LUZP2: variants seen among roughly 807,000 people sequenced by gnomAD.
LUZP2 encodes leucine zipper protein 2.
Under a neutral mutation model 51.6 loss-of-function variants are expected in LUZP2, and 52 were observed. The observed-to-expected ratio is 1.01, with a 90% CI of 0.81 to 1.27. The LOEUF (loss-of-function observed/expected upper bound fraction) is 1.27. Among genes scored for constraint, LUZP2 ranks in the 50% most tolerant of loss-of-function variants. The probability of loss-of-function intolerance (pLI) is 0.00; values close to 1 mark genes in which losing one functional copy is unlikely to be tolerated. For missense variants in LUZP2, 436 were observed against 395.4 expected (o/e 1.10, Z -0.87); for synonymous variants, 154 against 137.3 (o/e 1.12, Z -0.85).
chr11:24,659,156 GA>G (rs1158175952), intron 1 of LUZP2, among the ~76,000 whole-genome samples: 1 of 152,146 alleles, frequency 6.6e-6, no homozygotes, highest in Non-Finnish European at 1.5e-5. Context: ...CAATAGCAAA[GA>G]CTTGGAACCA....
At chr11:24,499,861 C>A (rs1196315697) in intron 1 of LUZP2, among the ~76,000 whole-genome samples, 1 of 152,054 alleles carries the variant, frequency 6.6e-6, no homozygotes, top group Admixed American at 6.6e-5. Flanking sequence ...AAGTTCAGTT[C>A]TATTTTAAAG....
chr11:24,888,630 A>G (rs1390162367), intron 5 of LUZP2, among the ~76,000 whole-genome samples: 1 of 152,120 alleles, frequency 6.6e-6, no homozygotes, highest in Non-Finnish European at 1.5e-5. Context: ...AAAAAGTTGT[A>G]GGAATATTTG....
At chr11:24,837,057 T>A (rs182279227) in intron 5 of LUZP2, among the ~76,000 whole-genome samples, 2 of 24,122 alleles carry the variant, frequency 8.3e-5, no homozygotes, top group Non-Finnish European at 4.6e-4. Context: ...TGTTCAAGAA[T>A]GGTTGGTAGA....
intron 1 of LUZP2, among the ~76,000 whole-genome samples, chr11:24,668,262 C>T (rs1210519800): frequency 1.3e-5 from 2 of 152,190 alleles, no homozygotes; most frequent in Non-Finnish European, 2.9e-5. Flanking sequence ...TAATCTCCAA[C>T]ACTGAAGCAT....
chr11:24,716,853 G>A (rs1175503354), intron 1 of LUZP2, among the ~76,000 whole-genome samples: 7 of 152,178 alleles, frequency 4.6e-5, no homozygotes, highest in East Asian at 1.9e-4. Context: ...CCGACATTGC[G>A]CCACTGCACT....
At chr11:24,542,170 A>G (rs1590159215) in intron 1 of LUZP2, among the ~76,000 whole-genome samples, 1 of 152,122 alleles carries the variant, frequency 6.6e-6, no homozygotes, top group African/African-American at 2.4e-5. Flanking sequence ...TAAGTGAAAG[A>G]GTGAGGACAG....
chr11:25,043,244 C>A (rs1434965879), intron 9 of LUZP2, among the ~76,000 whole-genome samples: 1 of 152,132 alleles, frequency 6.6e-6, no homozygotes, highest in African/African-American at 2.4e-5. Context: ...ATCTGAATAG[C>A]CTTAATATCA....
At chr11:25,074,407 T>C (rs1859241574) in intron 10 of LUZP2, among the ~76,000 whole-genome samples, 1 of 152,174 alleles carries the variant, frequency 6.6e-6, no homozygotes, top group South Asian at 2.1e-4. Flanking sequence ...TTGCTATTCA[T>C]TGTAAGATAA....
intron 4 of LUZP2, among the ~76,000 whole-genome samples, chr11:24,742,088 T>G (rs1201321655): frequency 7.0e-6 from 1 of 142,730 alleles, no homozygotes. Context: ...ACCATTTCTT[T>G]ATCCACTTGT....
chr11:24,764,969 G>A (rs1360429448), intron 5 of LUZP2, among the ~76,000 whole-genome samples: 1 of 152,046 alleles, frequency 6.6e-6, no homozygotes, highest in Non-Finnish European at 1.5e-5. Context: ...CAACCCTACA[G>A]AAATAATATC....
At chr11:24,606,909 G>T (rs1004171957) in intron 1 of LUZP2, among the ~76,000 whole-genome samples, 2 of 151,580 alleles carry the variant, frequency 1.3e-5, no homozygotes, top group African/African-American at 2.4e-5. Flanking sequence ...ATATTGAGTA[G>T]ATTTTTATAT....
At chr11:24,592,017 A>G (rs1446702988) in intron 1 of LUZP2, among the ~76,000 whole-genome samples, 2 of 152,184 alleles carry the variant, frequency 1.3e-5, no homozygotes, top group Non-Finnish European at 1.5e-5. Flanking sequence ...AGATTAACAA[A>G]GAGCCATTGG....
At chr11:24,503,886 A>G (rs910281876) in intron 1 of LUZP2, among the ~76,000 whole-genome samples, 2 of 152,306 alleles carry the variant, frequency 1.3e-5, no homozygotes, top group Admixed American at 6.5e-5. Flanking sequence ...TTAAAAACAA[A>G]TTGTTGCACC....
At chr11:24,797,101 G>T (rs1045377793) in intron 5 of LUZP2, among the ~76,000 whole-genome samples, 1 of 152,110 alleles carries the variant, frequency 6.6e-6, no homozygotes, top group African/African-American at 2.4e-5. Context: ...GAAAGTAAGA[G>T]TACTAAATCT....
chr11:24,801,455 T>C (rs182274404), intron 5 of LUZP2, among the ~76,000 whole-genome samples: 1 of 152,174 alleles, frequency 6.6e-6, no homozygotes, highest in East Asian at 1.9e-4. Context: ...AAAATATTTA[T>C]TTATATGAAT....
intron 1 of LUZP2, among the ~76,000 whole-genome samples, chr11:24,711,917 C>T (rs972244868): frequency 2.0e-5 from 3 of 152,080 alleles, no homozygotes; most frequent in African/African-American, 4.8e-5. Context: ...TATAAATGCA[C>T]CAAACTTTTG....
intron 1 of LUZP2, among the ~76,000 whole-genome samples, chr11:24,537,823 A>C (rs996783950): frequency 2.6e-5 from 4 of 151,900 alleles, no homozygotes; most frequent in Admixed American, 6.6e-5. Context: ...CTACCAAAAA[A>C]TAGAGCTTTA....
intron 1 of LUZP2, among the ~76,000 whole-genome samples, chr11:24,505,502 A>C (rs1850121188): frequency 6.6e-6 from 1 of 152,194 alleles, no homozygotes; most frequent in African/African-American, 2.4e-5. Context: ...AATAGCATCC[A>C]GCACAGAGAA....
rs1043964852 is a variant in LUZP2 at position 24,797,868 on chromosome 11, A to G, written c.396+34560A>G. Among the ~76,000 whole-genome samples the G allele has an allele frequency of 2.0e-5, 3 of 152,296 alleles. No individual in the cohort carries two copies. In the South Asian group the frequency reaches 6.2e-4, roughly 32 times the overall value. ...GGACAAAAGTTGAGTACACTTTACC[A>G]AGTTGCAATGTTTTCCTCATTTGCT... is the stretch of plus-strand genomic sequence containing the variant. On this transcript the variant is annotated intron_variant, in intron 5 of 11. Transcript: ENST00000336930.
Sources: gnomAD v4.1 joint callset for allele counts (sites outside exome capture counted in the v4.1 genomes callset) on GRCh38, gnomAD v4.1.1 for gene constraint, MANE v1.5 for transcripts, NCBI Gene and HGNC (gene_info 2026-07-23, HGNC 2026-07-21) for gene names.